Variants in ALMS1 observed in about 807,000 individuals in gnomAD.
The protein encoded by ALMS1 is centrosome-associated protein ALMS1.
In ALMS1, 271 loss-of-function variants were observed where a neutral mutation model predicts 352.2. That is an observed-to-expected ratio of 0.77 (90% confidence interval 0.70 to 0.85). The LOEUF (loss-of-function observed/expected upper bound fraction) is 0.85, where lower values mean the gene tolerates loss of function less well. ALMS1 is among the 40% of genes least tolerant of loss of function. ALMS1 has a pLI of 0.00. For synonymous variants in ALMS1, 1,865 were observed against 1,761.2 expected (o/e 1.06, Z -1.48); for missense variants, 5,445 against 4,870.7 (o/e 1.12, Z -3.51).
At position 73,447,995 on chromosome 2, in the gene ALMS1, C is replaced by G; in HGVS notation, c.1468C>G (p.Gln490Glu). 1 of 1,613,414 alleles carries G rather than the reference C, an allele frequency of 6.2e-7. No individual in the cohort carries two copies. Among genetic ancestry groups the G allele is most frequent in the African/African-American group, 1.3e-5 (1 of 74,980 alleles). ...TSKGGIAKVTQSNLKSGITTT... is the reference protein window; with the variant it reads ...TSKGGIAKVTESNLKSGITTT... ...TAAAGGAGGCATAGCTAAAGTTACT[C>G]AATCCAACTTGAAGTCAGGCATCAC... Residue 490 changes from glutamine to glutamate, a missense_variant, in exon 8 of 23, where the codon CAA becomes GAA. Gln to Glu is a conservative substitution (Grantham distance 29, BLOSUM62 2). Transcript: ENST00000613296.
rs778304579 is a variant in ALMS1 at position 73,572,450 on chromosome 2, C to T, written c.10573C>T (p.His3525Tyr). Reference protein sequence around the residue: ...FQHHPDKHREHMCLPLPYQNM... With the variant: ...FQHHPDKHREYMCLPLPYQNM... ...GCATCATCCAGACAAACATAGAGAA[C>T]ACATGTGTCTTCCTCTTCCTTATCA... is the stretch of plus-strand genomic sequence containing the variant. Residue 3525 changes from histidine (H) to tyrosine (Y), a missense_variant, in exon 16 of 23, where the codon CAC becomes TAC. By Grantham distance (83) the His-to-Tyr change is moderately conservative. Coordinates refer to ENST00000613296, the MANE Select transcript of ALMS1 (RefSeq NM_001378454.1). The T allele has an allele frequency of 8.1e-6, 13 of 1,613,852 alleles. No homozygotes were observed. In the East Asian group the frequency reaches 2.0e-4, roughly 25 times the overall value.
intron 1 of ALMS1, among the ~76,000 whole-genome samples, chr2:73,400,048 C>G (rs895340896): frequency 6.6e-6 from 1 of 151,814 alleles, no homozygotes; most frequent in African/African-American, 2.4e-5. Context: ...AGCCGTCCTC[C>G]TACTTCACCC....
chr2:73,550,181 T>G, intron 12 of ALMS1, 86 bp from the exon 13 acceptor site: 1 of 1,451,826 alleles, frequency 6.9e-7, no homozygotes, highest in Non-Finnish European at 9.6e-7. Context: ...TTTCATAGAA[T>G]TGGTCTAAGA....
At chr2:73,481,410 G>T (rs1372698755) in intron 9 of ALMS1, among the ~76,000 whole-genome samples, 3 of 152,130 alleles carry the variant, frequency 2.0e-5, no homozygotes, top group African/African-American at 7.2e-5. Context: ...TATTTCTGAG[G>T]GCTCTGTTCT....
In ALMS1 at chr2:73,455,249, T is replaced by A. The variant is rs1344374379; in HGVS notation, c.7628T>A (p.Ile2543Asn). Reference sequence around the variant, plus strand: ...GATGACAGGAGGAAAGTAGAAGAGATCAAGGCAGAGTTATTTGGTCATGGA... The same window carrying A: ...GATGACAGGAGGAAAGTAGAAGAGAACAAGGCAGAGTTATTTGGTCATGGA... Reference protein sequence around the residue: ...NEDDRRKVEEIKAELFGHGRT... With the variant: ...NEDDRRKVEENKAELFGHGRT... Residue 2543 changes from isoleucine (I) to asparagine (N), a missense_variant, in exon 9 of 23, where the codon ATC (isoleucine) becomes AAC (asparagine). Coordinates refer to ENST00000613296, the MANE Select transcript of ALMS1 (RefSeq NM_001378454.1). The A allele has an allele frequency of 6.2e-7, 1 of 1,614,100 alleles. No individual in the cohort carries two copies.
intron 1 of ALMS1, among the ~76,000 whole-genome samples, chr2:73,403,090 T>C (rs560664547): frequency 6.6e-6 from 1 of 152,214 alleles, no homozygotes; most frequent in Non-Finnish European, 1.5e-5. Flanking sequence ...TGTTGTGATA[T>C]CCAAAACAAC....
chr2:73,474,812 T>C (rs999932710), intron 9 of ALMS1, among the ~76,000 whole-genome samples: 1 of 152,148 alleles, frequency 6.6e-6, no homozygotes, highest in African/African-American at 2.4e-5. Flanking sequence ...TTTACTATAA[T>C]ACATAAGGTT....
intron 2 of ALMS1, among the ~76,000 whole-genome samples, chr2:73,412,547 T>A (rs900556169): frequency 9.9e-4 from 150 of 152,274 alleles, no homozygotes; most frequent in African/African-American, 3.5e-3. Flanking sequence ...CCCAGCACTT[T>A]GGGAGGCCGA....
rs992014195 is a variant in ALMS1 at position 73,484,350 on chromosome 2, T to A, written c.7675-5284T>A. Among the ~76,000 whole-genome samples the A allele has an allele frequency of 2.4e-3, 359 of 150,936 alleles. 2 individuals are homozygous for A. The highest frequency in any genetic ancestry group is 8.6e-3 in the African/African-American group (356 of 41,190). On this transcript the variant is annotated intron_variant, in intron 9 of 22. Coordinates refer to ENST00000613296, the MANE Select transcript of ALMS1 (RefSeq NM_001378454.1). The stretch of plus-strand genomic sequence containing the variant: ...ACTTATGAAGCTTAGTTTGGCTGGA[T>A]ATGAAATTCTGGGTTGAAAATTCTT...
chr2:73,594,807 TCACTCCATGAACCG>T (rs1437192783), intron 16 of ALMS1, among the ~76,000 whole-genome samples: 1 of 152,232 alleles, frequency 6.6e-6, no homozygotes, highest in African/African-American at 2.4e-5. Context: ...TCTCAGGTCT[TCACTCCATGAACCG>T]TTCCACATGG....
At chr2:73,568,972 C>T (rs1441192080) in intron 15 of ALMS1, among the ~76,000 whole-genome samples, 1 of 123,062 alleles carries the variant, frequency 8.1e-6, no homozygotes, top group East Asian at 2.5e-4. Context: ...AGGAATTCAG[C>T]TTGCTTGCTG....
upstream of ALMS1, chr2:73,385,794 G>C: frequency 1.6e-6 from 1 of 623,674 alleles, no homozygotes; most frequent in South Asian, 1.8e-5. Context: ...GGCCACAACC[G>C]CCAGTCAGGG....
intron 12 of ALMS1, among the ~76,000 whole-genome samples, chr2:73,543,420 A>C (rs1486256315): frequency 6.6e-6 from 1 of 152,236 alleles, no homozygotes; most frequent in African/African-American, 2.4e-5. Context: ...ACCCTAGAAG[A>C]AAACCTAGGC....
intron 11 of ALMS1, among the ~76,000 whole-genome samples, chr2:73,521,580 C>CAAAAAAAAAAAAAA (rs565126393): frequency 1.1e-5 from 1 of 94,900 alleles, no homozygotes; most frequent in Non-Finnish European, 2.3e-5. Context: ...ACTAAAAATA[C>CAAAAAAAAAAAAAA]AAAAAAAAAA....
rs1671996525 is a variant in ALMS1, at chr2:73,453,599, A to G, written c.7072A>G (p.Thr2358Ala). 5 of 1,614,024 alleles carry G rather than the reference A, an allele frequency of 3.1e-6. No homozygotes were observed. Among genetic ancestry groups the G allele is most frequent in the African/African-American group, 1.3e-5 (1 of 75,028 alleles). Residue 2358 changes from threonine to alanine, a missense_variant, in exon 8 of 23, where the codon ACA (threonine) becomes GCA (alanine). By Grantham distance (58) the Thr-to-Ala change is moderately conservative. Transcript: ENST00000613296. ...IENWEFISSTTVRSPLQEAES... is the reference protein window; with the variant it reads ...IENWEFISSTAVRSPLQEAES... ...AAATTGGGAGTTTATTAGTTCAACT[A>G]CAGTTAGAAGTCCTCTACAGGAAGC...
chr2:73,389,220 G>A (rs1210755231), intron 1 of ALMS1, among the ~76,000 whole-genome samples: 1 of 151,834 alleles, frequency 6.6e-6, no homozygotes, highest in Non-Finnish European at 1.5e-5. Flanking sequence ...CATGTTTTTT[G>A]GCCGCTCGTA....
intron 15 of ALMS1, among the ~76,000 whole-genome samples, chr2:73,570,966 T>G (rs1297972847): frequency 6.6e-6 from 1 of 152,210 alleles, no homozygotes; most frequent in Non-Finnish European, 1.5e-5. Flanking sequence ...TTCTCTTATA[T>G]CAGCTTGTTT....
chr2:73,513,891 C>T (rs1229192615), intron 10 of ALMS1, among the ~76,000 whole-genome samples: 2 of 152,142 alleles, frequency 1.3e-5, no homozygotes, highest in African/African-American at 4.8e-5. Context: ...TAATGAGATT[C>T]TGATACCTTG....
intron 1 of ALMS1, among the ~76,000 whole-genome samples, chr2:73,402,229 G>A (rs1231309953): frequency 6.7e-6 from 1 of 149,720 alleles, no homozygotes; most frequent in African/African-American, 2.4e-5. Flanking sequence ...GGTCATACAA[G>A]AAAAGTAGTC....
Sources: allele counts gnomAD v4.1 joint callset (sites outside exome capture counted in the v4.1 genomes callset), GRCh38; gene constraint gnomAD v4.1.1; transcripts MANE v1.5; gene names NCBI Gene and HGNC (gene_info 2026-07-23, HGNC 2026-07-21).